HIKESHI: variants seen among roughly 807,000 people sequenced by gnomAD.
The protein encoded by HIKESHI is heat shock protein nuclear import factor hikeshi, also known as protein Hikeshi.
A neutral mutation model predicts 25.7 loss-of-function variants in HIKESHI; 13 were observed. The observed-to-expected ratio is 0.51, with a 90% CI of 0.33 to 0.80. The LOEUF (loss-of-function observed/expected upper bound fraction) is 0.80. HIKESHI is among the 30% of genes least tolerant of loss of function. HIKESHI has a pLI of 0.02. For synonymous variants in HIKESHI, 76 were observed against 78.7 expected, an observed-to-expected ratio of 0.97 and a Z score of 0.18; for missense variants, 174 against 229.5, an observed-to-expected ratio of 0.76 and a Z score of 1.56.
chr11:86,327,328 T>A (rs1405457368), intron 2 of HIKESHI, among the ~76,000 whole-genome samples: 1 of 151,980 alleles, frequency 6.6e-6, no homozygotes, highest in Non-Finnish European at 1.5e-5. Flanking sequence ...TTTTTTTTCT[T>A]TTTTGAGACG....
chr11:86,327,437 C>T (rs975940627), intron 2 of HIKESHI, among the ~76,000 whole-genome samples: 4 of 152,114 alleles, frequency 2.6e-5, no homozygotes, highest in Non-Finnish European at 5.9e-5. Flanking sequence ...GCCTCAGCCT[C>T]CCGAGTAGCT....
At chr11:86,318,282 C>A (rs1947043738) in intron 2 of HIKESHI, among the ~76,000 whole-genome samples, 1 of 53,088 alleles carries the variant, frequency 1.9e-5, no homozygotes, top group Non-Finnish European at 3.6e-5. Flanking sequence ...CCATCCTGGG[C>A]GACAGAGCAA....
intron 2 of HIKESHI, among the ~76,000 whole-genome samples, chr11:86,316,662 A>C (rs993822402): frequency 6.6e-6 from 1 of 152,172 alleles, no homozygotes; most frequent in Admixed American, 6.5e-5. Flanking sequence ...AAATGTAAAC[A>C]GATTAAACTT....
chr11:86,343,873 AG>A (rs1282036578), intron 3 of HIKESHI: 1 of 152,222 alleles, frequency 6.6e-6, no homozygotes, highest in Non-Finnish European at 1.5e-5. Flanking sequence ...TATCTTCAGA[AG>A]TTCAGTTACT....
intron 1 of HIKESHI, among the ~76,000 whole-genome samples, chr11:86,303,707 TC>T (rs1289345384): frequency 6.6e-6 from 1 of 152,116 alleles, no homozygotes; most frequent in Non-Finnish European, 1.5e-5. Flanking sequence ...TTAGGACACA[TC>T]AAAGTGAAGG....
intron 1 of HIKESHI, among the ~76,000 whole-genome samples, chr11:86,305,364 C>G (rs1946596170): frequency 6.6e-6 from 1 of 151,836 alleles, no homozygotes; most frequent in Non-Finnish European, 1.5e-5. Flanking sequence ...TTCATTTTTA[C>G]AACATTCTGA....
chr11:86,329,831 T>G (rs185909757), intron 2 of HIKESHI, among the ~76,000 whole-genome samples: 1 of 152,132 alleles, frequency 6.6e-6, no homozygotes, highest in Non-Finnish European at 1.5e-5. Context: ...TTATAGTGTT[T>G]ACATGCTATA....
chr11:86,325,670 G>A (rs888195565), intron 2 of HIKESHI, among the ~76,000 whole-genome samples: 6 of 151,232 alleles, frequency 4.0e-5, no homozygotes, highest in Admixed American at 6.6e-5. Flanking sequence ...TCAGGGGTTC[G>A]AGACCAGCCT....
chr11:86,345,080 C>T (rs1593885172), intron 4 of HIKESHI: 5 of 1,084,360 alleles, frequency 4.6e-6, no homozygotes, highest in Non-Finnish European at 5.6e-6. Context: ...TTCCAACTTT[C>T]CCGTGTTTTA....
chr11:86,313,284 G>A (rs926505986), intron 2 of HIKESHI, among the ~76,000 whole-genome samples: 2 of 152,096 alleles, frequency 1.3e-5, no homozygotes, highest in African/African-American at 2.4e-5. Context: ...CAGGCTGAGT[G>A]CATTGGCACA....
At chr11:86,308,951 T>C (rs1022133071) in intron 2 of HIKESHI, among the ~76,000 whole-genome samples, 5 of 152,222 alleles carry the variant, frequency 3.3e-5, no homozygotes, top group Non-Finnish European at 7.3e-5. Context: ...TGCCATATTT[T>C]CTTAATCCAG....
intron 2 of HIKESHI, among the ~76,000 whole-genome samples, chr11:86,308,192 AATAT>A (rs1277306277): frequency 9.0e-6 from 1 of 111,222 alleles, no homozygotes; most frequent in Non-Finnish European, 1.8e-5. Flanking sequence ...TTACATATAA[AATAT>A]ATATTATATA....
At chr11:86,343,201 T>C (rs1461233230) in intron 3 of HIKESHI, among the ~76,000 whole-genome samples, 1 of 152,212 alleles carries the variant, frequency 6.6e-6, no homozygotes, top group Non-Finnish European at 1.5e-5. Context: ...CTTAGCATTT[T>C]TTCTAGGTAT....
rs577044663 is a variant in HIKESHI at position 86,332,211 on chromosome 11, G to A, written c.269-5168G>A. Among the ~76,000 whole-genome samples, 6 of 151,972 alleles carry A rather than the reference G, an allele frequency of 3.9e-5. No individual in the cohort carries two copies. In the East Asian group the frequency reaches 1.2e-3, roughly 29 times the overall value. On this transcript the variant is annotated intron_variant, in intron 2 of 4. Coordinates refer to ENST00000278483, the MANE Select transcript of HIKESHI (RefSeq NM_016401.4). ...GAGCTCCTGACCTTGTGATCTGCCC[G>A]CCTCGGCCTCGCAAAGTGCTGGGAT...
Position 86,332,695 on chromosome 11 carries a change from T to C in HIKESHI, c.269-4684T>C, listed in dbSNP as rs557022059. The stretch of plus-strand genomic sequence containing the variant: ...ATGTTGGAATTAGCTAGAGTAGAAG[T>C]TGGCAAACTTTTTTGTGAAGGATCA... On this transcript the variant is annotated intron_variant, in intron 2 of 4. Transcript: ENST00000278483. Among the ~76,000 whole-genome samples the C allele has an allele frequency of 2.0e-5, 3 of 152,360 alleles. No homozygotes were observed. The East Asian group carries it at 5.8e-4, about 29-fold the overall frequency.
At chr11:86,331,001 C>G (rs1468014039) in intron 2 of HIKESHI, among the ~76,000 whole-genome samples, 1 of 152,114 alleles carries the variant, frequency 6.6e-6, no homozygotes, top group Non-Finnish European at 1.5e-5. Context: ...TAATCTTAAC[C>G]AAGACCTTTA....
At chr11:86,312,154 G>A (rs1946852573) in intron 2 of HIKESHI, among the ~76,000 whole-genome samples, 1 of 152,194 alleles carries the variant, frequency 6.6e-6, no homozygotes, top group Non-Finnish European at 1.5e-5. Context: ...AATGTTGACA[G>A]TGGGGTGTTA....
chr11:86,313,111 A>G (rs1206060222), intron 2 of HIKESHI, among the ~76,000 whole-genome samples: 1 of 152,188 alleles, frequency 6.6e-6, no homozygotes, highest in African/African-American at 2.4e-5. Context: ...ACTTTGAGGC[A>G]TTTTGTGAAG....
rs538273752 is a variant in HIKESHI, at chr11:86,312,567, T to G, written c.268+6085T>G. On this transcript the variant is annotated intron_variant, in intron 2 of 4. Coordinates refer to ENST00000278483, the MANE Select transcript of HIKESHI (RefSeq NM_016401.4). The stretch of plus-strand genomic sequence containing the variant: ...CATTTAGCCCATTTACATTTAAGGT[T>G]AATATTGCTGTGTGTGAATTTGATC... 1.1e-4 allele frequency among the ~76,000 whole-genome samples: 17 copies of G among 152,336 alleles called. No homozygotes were observed. The South Asian group carries it at 3.3e-3, about 30-fold the overall frequency.
Sources: allele counts gnomAD v4.1 joint callset (sites outside exome capture counted in the v4.1 genomes callset), GRCh38; gene constraint gnomAD v4.1.1; transcripts MANE v1.5; gene names NCBI Gene and HGNC (gene_info 2026-07-23, HGNC 2026-07-21).